Variants in ANOS1 observed in about 807,000 individuals in gnomAD.
ANOS1 encodes anosmin-1.
In ANOS1, 6 loss-of-function variants were observed where a neutral mutation model predicts 59.0. That is an observed-to-expected ratio of 0.10 (90% confidence interval 0.06 to 0.20). The LOEUF is 0.20. ANOS1 is among the 10% of genes least tolerant of loss of function. ANOS1 has a pLI of 1.00. For synonymous variants in ANOS1, 217 were observed against 223.4 expected, an observed-to-expected ratio of 0.97 and a Z score of 0.25; for missense variants, 433 against 542.3, an observed-to-expected ratio of 0.80 and a Z score of 2.00.
rs1555900813 is a variant in ANOS1, at chrX:8,668,430, T to TAC, written c.255+31266_255+31267dup. Among the ~76,000 whole-genome samples the TAC allele has an allele frequency of 9.4e-3, 751 of 80,076 alleles. 9 individuals carry two copies. The highest frequency in any genetic ancestry group is 0.028 in the African/African-American group (568 of 20,112). 69.5% of individuals were successfully genotyped at this position (80,076 alleles called of 115,157 possible). A position where few individuals can be genotyped will look rare whatever the true frequency, so the allele number is the denominator to read the frequency against. On this transcript the variant is annotated intron_variant, in intron 2 of 13. Coordinates refer to ENST00000262648, the MANE Select transcript of ANOS1 (RefSeq NM_000216.4). ...ATATATATATATATATATATATATA[T>TAC]ACACACACATACATATATATATATG... is the stretch of plus-strand genomic sequence containing the variant.
At chrX:8,535,173 G>A (rs1368259014) in intron 12 of ANOS1, 29 of 124,608 alleles carry the variant, frequency 2.3e-4, no homozygotes, top group African/African-American at 5.8e-4. Context: ...TTACAGCCTC[G>A]AGCCAAATTT....
Position 8,562,772 on chromosome X carries a change from T to C in ANOS1, c.1207+5460A>G, listed in dbSNP as rs1054382680. 3.6e-5 allele frequency among the ~76,000 whole-genome samples: 4 copies of C among 112,321 alleles called. No homozygotes were observed. In the East Asian group the frequency reaches 1.1e-3, roughly 32 times the overall value. On this transcript the variant is annotated intron_variant, in intron 8 of 13. Coordinates refer to ENST00000262648, the MANE Select transcript of ANOS1 (RefSeq NM_000216.4). ...TTCCATTAAAGACAATGTTATATCA[T>C]ACTTCCTTCAAGGGATTGTTTCATA...
chrX:8,570,461 C>A, intron 7 of ANOS1, 38 bp downstream of exon 7: 1 of 1,133,915 alleles, frequency 8.8e-7, no homozygotes, highest in Non-Finnish European at 1.2e-6. Context: ...GAAATACCCT[C>A]TGTGGGAATA....
chrX:8,681,263 C>G (rs1367643010), intron 2 of ANOS1, among the ~76,000 whole-genome samples: 2 of 111,856 alleles, frequency 1.8e-5, no homozygotes, highest in East Asian at 5.6e-4. Flanking sequence ...CTGTTAATGT[C>G]TTTTGTGCAT....
chrX:8,607,762 C>T (rs973543267), intron 3 of ANOS1, among the ~76,000 whole-genome samples: 2 of 111,561 alleles, frequency 1.8e-5, no homozygotes, highest in African/African-American at 6.5e-5. Context: ...TAGACCAAAC[C>T]GGCATTCTAG....
chrX:8,538,337 T>C (rs746072814), intron 10 of ANOS1, among the ~76,000 whole-genome samples: 1 of 112,584 alleles, frequency 8.9e-6, no homozygotes, highest in African/African-American at 3.2e-5. Flanking sequence ...GGATGCTCCA[T>C]TGTAGCATAA....
chrX:8,540,827 C>T (rs954354741), intron 9 of ANOS1, among the ~76,000 whole-genome samples: 1 of 110,131 alleles, frequency 9.1e-6, no homozygotes, highest in African/African-American at 3.3e-5. Context: ...GTGGGCACTC[C>T]GGGCATTTAG....
chrX:8,696,889 C>T (rs1932692133), intron 2 of ANOS1, among the ~76,000 whole-genome samples: 1 of 112,487 alleles, frequency 8.9e-6, no homozygotes, highest in Non-Finnish European at 1.9e-5. Context: ...TAGACCTGTG[C>T]TGGACAATAG....
rs192019298 is a variant in ANOS1 at position 8,707,343 on chromosome X, A to G, written c.208-7598T>C. Among the ~76,000 whole-genome samples, 472 of 111,825 alleles carry G rather than the reference A, an allele frequency of 4.2e-3. 2 individuals are homozygous for G. Among genetic ancestry groups the G allele is most frequent in the African/African-American group, 0.015 (451 of 30,811 alleles). On this transcript the variant is annotated intron_variant, in intron 1 of 13. Transcript: ENST00000262648. ...TGAGGAGCTAGAAAGAATGATATAA[A>G]TAGACTGAGCTGATGAAATGTTTCA...
intron 3 of ANOS1, among the ~76,000 whole-genome samples, chrX:8,601,228 T>C (rs1473831194): frequency 1.8e-5 from 2 of 108,267 alleles, no homozygotes; most frequent in Non-Finnish European, 3.8e-5. Context: ...ATACTTGTAT[T>C]AAATCTGGCA....
chrX:8,633,771 A>T (rs1364131110), intron 2 of ANOS1, among the ~76,000 whole-genome samples: 1 of 111,971 alleles, frequency 8.9e-6, no homozygotes, highest in African/African-American at 3.2e-5. Context: ...ATTATAGAGA[A>T]CCTGAATCTA....
At chrX:8,612,957 T>G (rs1468063756) in intron 3 of ANOS1, among the ~76,000 whole-genome samples, 1 of 111,596 alleles carries the variant, frequency 9.0e-6, no homozygotes, top group Admixed American at 9.5e-5. Context: ...TCTAAATTCC[T>G]CCATGAAAGC....
intron 2 of ANOS1, among the ~76,000 whole-genome samples, chrX:8,633,430 G>C (rs891871215): frequency 1.8e-5 from 2 of 111,622 alleles, no homozygotes; most frequent in African/African-American, 6.5e-5. Context: ...TCTTGAAGTA[G>C]ACAAAGTCAT....
chrX:8,659,974 T>C (rs1004156629), intron 2 of ANOS1, among the ~76,000 whole-genome samples: 4 of 111,381 alleles, frequency 3.6e-5, no homozygotes, highest in African/African-American at 1.3e-4. Context: ...AGAGAGTAGA[T>C]GGCAGGTTGG....
chrX:8,651,392 A>G (rs577558219), intron 2 of ANOS1, among the ~76,000 whole-genome samples: 1 of 112,594 alleles, frequency 8.9e-6, no homozygotes, highest in East Asian at 2.8e-4. Flanking sequence ...AATGTTAAAT[A>G]AAATTAACTA....
intron 2 of ANOS1, among the ~76,000 whole-genome samples, chrX:8,669,944 C>T (rs1258178332): frequency 8.9e-6 from 1 of 111,940 alleles, no homozygotes; most frequent in Admixed American, 9.5e-5. Context: ...TTTGCATATA[C>T]TCTTAAGTAA....
intron 2 of ANOS1, among the ~76,000 whole-genome samples, chrX:8,698,308 A>T (rs747430460): frequency 8.9e-6 from 1 of 112,578 alleles, no homozygotes; most frequent in Admixed American, 9.4e-5. Context: ...ATAATTTTAA[A>T]GTAATTCAAA....
intron 1 of ANOS1, among the ~76,000 whole-genome samples, chrX:8,718,810 C>T (rs1049448946): frequency 8.0e-5 from 9 of 111,840 alleles, no homozygotes; most frequent in African/African-American, 2.3e-4. Flanking sequence ...GAACTCTGTC[C>T]ACTGGGCAGA....
intron 2 of ANOS1, among the ~76,000 whole-genome samples, chrX:8,693,545 C>G (rs1207606825): frequency 9.0e-6 from 1 of 110,544 alleles, no homozygotes; most frequent in East Asian, 2.9e-4. Flanking sequence ...CACATATTAA[C>G]CGTTAATGGG....
Sources: allele counts gnomAD v4.1 joint callset (sites outside exome capture counted in the v4.1 genomes callset), GRCh38; gene constraint gnomAD v4.1.1; transcripts MANE v1.5; gene names NCBI Gene and HGNC (gene_info 2026-07-23, HGNC 2026-07-21).